Variants in ZNF180 observed in about 807,000 individuals in gnomAD.
The protein encoded by ZNF180 is zinc finger protein 180.
A neutral mutation model predicts 11.8 loss-of-function variants in ZNF180; 11 were observed. The ratio of observed to expected loss-of-function variants is 0.93; its 90% CI spans 0.59 to 1.55. The LOEUF (loss-of-function observed/expected upper bound fraction) is 1.55. ZNF180 is among the 40% of genes most tolerant of loss of function. The pLI is 0.00. For synonymous variants in ZNF180, 287 were observed against 257.7 expected (o/e 1.11, Z -1.09); for missense variants, 773 against 781.7 (o/e 0.99, Z 0.13).
chr19:44,493,753 C>G (rs957692048), intron 2 of ZNF180, among the ~76,000 whole-genome samples: 11 of 148,174 alleles, frequency 7.4e-5, no homozygotes, highest in Admixed American at 1.3e-4. Context: ...CTCTTGCTCT[C>G]TCTCTCTCTC....
chr19:44,496,557 C>T (rs1176244672), intron 2 of ZNF180: 2 of 151,198 alleles, frequency 1.3e-5, no homozygotes, highest in African/African-American at 4.9e-5. Flanking sequence ...CCTGTAGTCC[C>T]ACCTATTCAG....
chr19:44,489,038 C>T (rs1970335808), intron 2 of ZNF180, among the ~76,000 whole-genome samples: 1 of 150,956 alleles, frequency 6.6e-6, no homozygotes, highest in Non-Finnish European at 1.5e-5. Flanking sequence ...CCGGCAGCCA[C>T]CCCGTCCGGG....
intron 2 of ZNF180, among the ~76,000 whole-genome samples, chr19:44,486,002 C>T (rs927381006): frequency 1.3e-5 from 2 of 152,130 alleles, no homozygotes; most frequent in African/African-American, 4.8e-5. Context: ...CAAGAAACCT[C>T]ATTAGCAAGT....
chr19:44,477,868 G>C lies in ZNF180; in HGVS notation c.532C>G (p.Leu178Val), dbSNP rs151269201. The change falls in exon 5 of 5, where the codon CTA (leucine) becomes GTA (valine). Residue 178 changes from leucine to valine, a missense_variant. Physicochemically the swap from Leu to Val is conservative, Grantham distance 32 (BLOSUM62 1). Coordinates refer to ENST00000592529, the MANE Select transcript of ZNF180 (RefSeq NM_001278509.3). ...TGEKSGLNSSLFSSPVIPIRN... is the reference protein window; with the variant it reads ...TGEKSGLNSSVFSSPVIPIRN... ...ATGGGTATAACTGGGGATGAAAATAGACTGGAATTCAGACCACTCTTCTCC... is the reference window on the plus strand; with the variant it reads ...ATGGGTATAACTGGGGATGAAAATACACTGGAATTCAGACCACTCTTCTCC... 1,241 of 1,613,848 alleles carry C rather than the reference G, an allele frequency of 7.7e-4. 14 individuals carry two copies. The African/African-American group carries it at 0.014, about 19-fold the overall frequency.
Position 44,477,627 on chromosome 19 carries a change from C to G in ZNF180, c.773G>C (p.Gly258Ala). ...FSDRIQSFCH[G>A]TPLHIHEKIH... ...TTTTTCATGTATATGTAGGGGTGTA[C>G]CATGGCAAAAAGATTGAATACGGTC... Residue 258 changes from glycine (G) to alanine (A), a missense_variant, in exon 5 of 5, where the codon GGT becomes GCT. Transcript: ENST00000592529. The G allele has an allele frequency of 6.2e-7, 1 of 1,613,920 alleles. No homozygotes were observed. Among genetic ancestry groups the G allele is most frequent in the Non-Finnish European group, 8.5e-7 (1 of 1,179,980 alleles).
intron 4 of ZNF180, among the ~76,000 whole-genome samples, chr19:44,478,603 G>A (rs56286915): frequency 0.14 from 21,935 of 152,188 alleles, 1,782 homozygotes; most frequent in Admixed American, 0.24. Context: ...AGTGAGGCAT[G>A]AGGAAACTAT....
At chr19:44,480,211 A>T (rs1970042446) in intron 3 of ZNF180, among the ~76,000 whole-genome samples, 1 of 152,064 alleles carries the variant, frequency 6.6e-6, no homozygotes, top group Non-Finnish European at 1.5e-5. Context: ...GGCTCAAGTG[A>T]TCCTCCCACC....
intron 1 of ZNF180, 127 bp from the exon 2 acceptor site, chr19:44,497,504 C>T: frequency 1.1e-6 from 1 of 940,166 alleles, no homozygotes; most frequent in South Asian, 1.7e-5. Flanking sequence ...TCTGGAGGTT[C>T]CTGCCAGCTT....
intron 3 of ZNF180, among the ~76,000 whole-genome samples, chr19:44,481,734 T>G (rs561134477): frequency 1.3e-5 from 2 of 152,222 alleles, no homozygotes; most frequent in Non-Finnish European, 2.9e-5. Flanking sequence ...GATATTACAT[T>G]TATATTTCAC....
intron 2 of ZNF180, among the ~76,000 whole-genome samples, chr19:44,486,303 G>A (rs1369223928): frequency 6.6e-6 from 1 of 152,166 alleles, no homozygotes; most frequent in East Asian, 1.9e-4. Context: ...TTCTTTGAAG[G>A]GGTAGAACTG....
chr19:44,490,024 AGACAG>A (rs1970397501), intron 2 of ZNF180, among the ~76,000 whole-genome samples: 1 of 40,062 alleles, frequency 2.5e-5, no homozygotes, highest in Non-Finnish European at 6.5e-5. Context: ...AGAAAGAAAA[AGACAG>A]GAAAGAAAGA....
intron 3 of ZNF180, among the ~76,000 whole-genome samples, chr19:44,482,410 T>C (rs1568427166): frequency 6.6e-6 from 1 of 152,196 alleles, no homozygotes; most frequent in South Asian, 2.1e-4. Flanking sequence ...TGCTGATGAC[T>C]TCCCTCCTCC....
intron 2 of ZNF180, among the ~76,000 whole-genome samples, chr19:44,489,102 TGGGGGGG>T (rs1970342266): frequency 9.2e-6 from 1 of 108,990 alleles, no homozygotes; most frequent in Non-Finnish European, 1.9e-5. Context: ...GGGAGGGAGG[TGGGGGGG>T]CCAGCCTCCC....
chr19:44,495,818 C>T lies in ZNF180; in HGVS notation c.51+1466G>A, dbSNP rs931732826. 3.9e-5 allele frequency among the ~76,000 whole-genome samples: 6 copies of T among 152,178 alleles called. No individual in the cohort carries two copies. The highest frequency in any genetic ancestry group is 2.6e-4 in the Admixed American group (4 of 15,280). On this transcript the variant is annotated intron_variant, in intron 2 of 4. Transcript: ENST00000592529. This position sits in a 1 kb window ranked among gnomAD's most constrained non-coding sequence, Gnocchi z 4.5. ...TCATCCTGTGCAGATGCACTCCTCA[C>T]CCTGCTTGGTCACTGACACCCTGCA...
chr19:44,494,884 C>T (rs1015861902), intron 2 of ZNF180, among the ~76,000 whole-genome samples: 2 of 152,110 alleles, frequency 1.3e-5, no homozygotes, highest in Admixed American at 6.5e-5. Flanking sequence ...AAACCTGTAA[C>T]ATATTTAGAA....
At chr19:44,483,981 CACTT>C (rs530686836) in intron 3 of ZNF180, among the ~76,000 whole-genome samples, 1 of 138,996 alleles carries the variant, frequency 7.2e-6, no homozygotes, top group Non-Finnish European at 1.5e-5. Flanking sequence ...TCCATTTCCT[CACTT>C]TCTTTCTTTC....
intron 2 of ZNF180, chr19:44,485,137 G>A (rs1970192956): frequency 7.1e-6 from 1 of 141,402 alleles, no homozygotes; most frequent in South Asian, 2.3e-4. Flanking sequence ...CTCCAGCCTA[G>A]GCAACAGAGC....
chr19:44,478,538 A>G (rs939326492), intron 4 of ZNF180, among the ~76,000 whole-genome samples: 3 of 152,246 alleles, frequency 2.0e-5, no homozygotes, highest in African/African-American at 7.2e-5. Context: ...ATTAGTGTCT[A>G]CATATCCAGG....
chr19:44,482,915 T>C (rs1453705317), intron 3 of ZNF180, among the ~76,000 whole-genome samples: 1 of 152,246 alleles, frequency 6.6e-6, no homozygotes, highest in Non-Finnish European at 1.5e-5. Context: ...GCTTGCACAT[T>C]GATGACTGTG....
Sources: gnomAD v4.1 joint callset for allele counts (sites outside exome capture counted in the v4.1 genomes callset) on GRCh38, gnomAD v4.1.1 for gene constraint, Gnocchi (gnomAD v3.1) non-coding constraint, MANE v1.5 for transcripts, NCBI Gene and HGNC (gene_info 2026-07-23, HGNC 2026-07-21) for gene names.